ARHGAP42: variants seen among roughly 807,000 people sequenced by gnomAD.
ARHGAP42 encodes rho GTPase-activating protein 42.
ARHGAP42 carries 63 observed loss-of-function variants against 125.0 expected under a neutral mutation model. The ratio of observed to expected loss-of-function variants is 0.50; its 90% CI spans 0.41 to 0.62. The LOEUF (loss-of-function observed/expected upper bound fraction) is 0.62, where lower values mean the gene tolerates loss of function less well. ARHGAP42 is among the 20% of genes least tolerant of loss of function. The probability of loss-of-function intolerance (pLI) is 0.00; values close to 1 mark genes in which losing one functional copy is unlikely to be tolerated. For missense variants in ARHGAP42, 766 were observed against 1,024.2 expected (o/e 0.75, Z 3.44); for synonymous variants, 339 against 351.0 (o/e 0.97, Z 0.38).
chr11:100,902,783 G>A (rs1370635847), intron 4 of ARHGAP42, among the ~76,000 whole-genome samples: 1 of 152,134 alleles, frequency 6.6e-6, no homozygotes, highest in Non-Finnish European at 1.5e-5. Flanking sequence ...ACAATGGATG[G>A]AGTACTGCAC....
chr11:100,783,953 A>G (rs1364826430), intron 2 of ARHGAP42, among the ~76,000 whole-genome samples: 1 of 152,198 alleles, frequency 6.6e-6, no homozygotes, highest in African/African-American at 2.4e-5. Flanking sequence ...AAAATAACTT[A>G]TGATCTAATC....
chr11:100,697,889 G>A (rs1393664493), intron 1 of ARHGAP42, among the ~76,000 whole-genome samples: 1 of 152,144 alleles, frequency 6.6e-6, no homozygotes, highest in Non-Finnish European at 1.5e-5. Context: ...GCAAGGGGAA[G>A]CAAATTAAAG....
intron 3 of ARHGAP42, among the ~76,000 whole-genome samples, chr11:100,836,903 G>A (rs1864801646): frequency 6.6e-6 from 1 of 151,628 alleles, no homozygotes; most frequent in Admixed American, 6.6e-5. Context: ...CTAGTCTCTG[G>A]AGGTAAATCA....
chr11:100,772,255 AGCTTGCCT>A (rs1358829747), intron 2 of ARHGAP42, among the ~76,000 whole-genome samples: 4 of 152,206 alleles, frequency 2.6e-5, no homozygotes, highest in African/African-American at 9.7e-5. Flanking sequence ...GTGTGGCTTT[AGCTTGCCT>A]GCATTCACAA....
At chr11:100,751,277 GTGTTTT>G (rs1862447779) in intron 1 of ARHGAP42, among the ~76,000 whole-genome samples, 1 of 121,624 alleles carries the variant, frequency 8.2e-6, no homozygotes, top group East Asian at 2.3e-4. Flanking sequence ...GTGTGTGTGT[GTGTTTT>G]TTTTTTTTTT....
rs1858795404 is a variant in ARHGAP42 at position 100,990,157 on chromosome 11, G to T, written c.*1356G>T. The T allele has an allele frequency of 6.6e-6, 1 of 151,982 alleles. No individual in the cohort carries two copies. Among genetic ancestry groups the T allele is most frequent in the Non-Finnish European group, 1.5e-5 (1 of 68,020 alleles). 9.4% of individuals were successfully genotyped at this position (151,982 alleles called of 1,614,324 possible). A position where few individuals can be genotyped will look rare whatever the true frequency, so the allele number is the denominator to read the frequency against. On this transcript the variant is annotated 3_prime_UTR_variant, in exon 24 of 24. Transcript: ENST00000298815. ...TCTATAAATGTAATATCTGTATGTG[G>T]CAAAGAGCCTTTCTTCTCAAGATCC...
chr11:100,967,905 G>C (rs751489769), intron 17 of ARHGAP42, among the ~76,000 whole-genome samples: 1 of 152,002 alleles, frequency 6.6e-6, no homozygotes, highest in South Asian at 2.1e-4. Flanking sequence ...TGCATTTTTA[G>C]TAGAGACGGG....
intron 1 of ARHGAP42, among the ~76,000 whole-genome samples, chr11:100,735,831 G>T (rs1333634170): frequency 6.6e-6 from 1 of 151,966 alleles, no homozygotes; most frequent in Admixed American, 6.6e-5. Context: ...GGCCAGGCTG[G>T]TCTGGAACTC....
At chr11:100,962,525 T>G (rs1857981721) in intron 16 of ARHGAP42, 58 bp downstream of exon 16, 1 of 1,397,410 alleles carries the variant, frequency 7.2e-7, no homozygotes. Context: ...GCTGCCATAC[T>G]TAGGCATATA....
rs187613752 is a variant in ARHGAP42, at chr11:100,993,268, A to T, written c.*4467A>T. The T allele has an allele frequency of 1.8e-5, 3 of 167,348 alleles. No individual in the cohort carries two copies. The Admixed American group carries it at 2.0e-4, about 11-fold the overall frequency. 10.4% of individuals were successfully genotyped at this position (167,348 alleles called of 1,614,324 possible). ...CTTATAAATTAAAAATGTGCATTTTATATAAAGATGCATTTTATATAAAAA... is the reference window on the plus strand; with the variant it reads ...CTTATAAATTAAAAATGTGCATTTTTTATAAAGATGCATTTTATATAAAAA... On this transcript the variant is annotated 3_prime_UTR_variant, in exon 24 of 24. Transcript: ENST00000298815.
Position 100,687,552 on chromosome 11 carries a change from A to T in ARHGAP42, c.-127A>T. The T allele has an allele frequency of 1.6e-6, 1 of 639,326 alleles. No individual in the cohort carries two copies. The highest frequency in any genetic ancestry group is 2.1e-6 in the Non-Finnish European group (1 of 478,366). 39.6% of individuals were successfully genotyped at this position (639,326 alleles called of 1,614,324 possible). A position where few individuals can be genotyped will look rare whatever the true frequency, so the allele number is the denominator to read the frequency against. On this transcript the variant is annotated 5_prime_UTR_variant, in exon 1 of 24. Transcript: ENST00000298815. ...CGGGGCCCGTTTCCTCCGCGCAATC[A>T]GTCCCCTCGCGTCCCGGCGCCTTCC... is the stretch of plus-strand genomic sequence containing the variant.
chr11:100,972,458 C>T (rs1410113753), intron 17 of ARHGAP42, among the ~76,000 whole-genome samples: 1 of 152,062 alleles, frequency 6.6e-6, no homozygotes, highest in Non-Finnish European at 1.5e-5. Flanking sequence ...ACCACATCTC[C>T]TTGTCTCACT....
intron 1 of ARHGAP42, among the ~76,000 whole-genome samples, chr11:100,718,889 C>CA (rs1257815907): frequency 2.0e-5 from 3 of 152,078 alleles, no homozygotes; most frequent in Non-Finnish European, 4.4e-5. Flanking sequence ...ATATGTATTG[C>CA]ATTTGATAGA....
chr11:100,975,401 G>A (rs1011323074), intron 19 of ARHGAP42, among the ~76,000 whole-genome samples: 1 of 152,118 alleles, frequency 6.6e-6, no homozygotes, highest in Non-Finnish European at 1.5e-5. Context: ...TTAGATATAT[G>A]TGAATGCATT....
chr11:100,767,670 AAAG>A (rs200628333), intron 1 of ARHGAP42, among the ~76,000 whole-genome samples: 1,682 of 152,140 alleles, frequency 0.011, 32 homozygotes, highest in African/African-American at 0.039. Context: ...GAGGGGAGAG[AAAG>A]AAGGATATCC....
At chr11:100,977,140 T>A (rs1313857604) in intron 21 of ARHGAP42, among the ~76,000 whole-genome samples, 169 bp downstream of exon 21, 1 of 152,216 alleles carries the variant, frequency 6.6e-6, no homozygotes, top group Non-Finnish European at 1.5e-5. Context: ...ATGAGTGATG[T>A]GGAAGTCTTC....
chr11:100,932,882 A>G (rs1198899152), intron 6 of ARHGAP42, among the ~76,000 whole-genome samples: 2 of 152,144 alleles, frequency 1.3e-5, no homozygotes, highest in Non-Finnish European at 2.9e-5. Context: ...TCTCTTCTGG[A>G]TATTTCTTCA....
chr11:100,962,804 A>G (rs1857988924), intron 16 of ARHGAP42, among the ~76,000 whole-genome samples: 1 of 152,156 alleles, frequency 6.6e-6, no homozygotes, highest in African/African-American at 2.4e-5. Flanking sequence ...TGAACCCAGG[A>G]GGCGGAGGTT....
intron 3 of ARHGAP42, among the ~76,000 whole-genome samples, chr11:100,800,259 C>T (rs920886827): frequency 2.0e-5 from 3 of 152,002 alleles, no homozygotes; most frequent in African/African-American, 4.8e-5. Flanking sequence ...TAGCAATAAT[C>T]GAGGCAGGAG....
Sources: allele counts gnomAD v4.1 joint callset (sites outside exome capture counted in the v4.1 genomes callset), GRCh38; gene constraint gnomAD v4.1.1; transcripts MANE v1.5; gene names NCBI Gene and HGNC (gene_info 2026-07-23, HGNC 2026-07-21).